Variants in RELN observed in about 807,000 individuals in gnomAD.
RELN encodes reelin.
A neutral mutation model predicts 427.6 loss-of-function variants in RELN; 108 were observed. The observed-to-expected ratio is 0.25, with a 90% CI of 0.22 to 0.30. The LOEUF (loss-of-function observed/expected upper bound fraction) is 0.30, where lower values mean the gene tolerates loss of function less well. Ranked by LOEUF, RELN falls within the 10% of genes least tolerant of loss-of-function variation. The probability of loss-of-function intolerance (pLI) is 1.00; values close to 1 mark genes in which losing one functional copy is unlikely to be tolerated. For missense variants in RELN, 3,715 were observed against 4,302.8 expected (o/e 0.86, Z 3.82); for synonymous variants, 1,524 against 1,513.4 (o/e 1.01, Z -0.16).
intron 46 of RELN, among the ~76,000 whole-genome samples, chr7:103,531,275 A>G (rs577816761): frequency 1.3e-5 from 2 of 152,222 alleles, no homozygotes; most frequent in African/African-American, 2.4e-5. Flanking sequence ...GTGAAAAGGC[A>G]GAGCCCTCCA....
intron 5 of RELN, among the ~76,000 whole-genome samples, chr7:103,749,743 C>A (rs752494807): frequency 6.6e-6 from 1 of 152,172 alleles, no homozygotes; most frequent in Non-Finnish European, 1.5e-5. Flanking sequence ...ATCTATGAAG[C>A]TATCACTAGG....
At chr7:103,869,785 GT>G in intron 2 of RELN, among the ~76,000 whole-genome samples, 1 of 152,080 alleles carries the variant, frequency 6.6e-6, no homozygotes, top group Admixed American at 6.6e-5. Context: ...GCAAATTAAT[GT>G]TTTTCAACAA....
In RELN at chr7:103,620,457, A is replaced by G. The variant is rs1231104499; in HGVS notation, c.2703-8654T>C. 2.0e-5 allele frequency among the ~76,000 whole-genome samples: 3 copies of G among 146,764 alleles called. No individual in the cohort carries two copies. The highest frequency in any genetic ancestry group is 4.5e-5 in the Non-Finnish European group (3 of 67,392). ...TCTCCAGATTCGATTTTGGTTGAAG[A>G]TAACTCACCCGATCCACATTTTTTT... On this transcript the variant is annotated intron_variant, in intron 20 of 64. Transcript: ENST00000428762. This position sits in a 1 kb window ranked among gnomAD's most constrained non-coding sequence, Gnocchi z 4.1.
Position 103,619,876 on chromosome 7 carries a change from TTG to T in RELN, c.2703-8075_2703-8074del, listed in dbSNP as rs372160818. Among the ~76,000 whole-genome samples the T allele has an allele frequency of 9.3e-5, 14 of 150,652 alleles. No homozygotes were observed. The East Asian group carries it at 1.2e-3, about 13-fold the overall frequency. Reference sequence around the variant, plus strand: ...AGTAAGAGTGTGTGTATATGTGTGTTTGTGTGTGTGTGTGTGTGTTTGTAGAT... The same window carrying T: ...AGTAAGAGTGTGTGTATATGTGTGTTTGTGTGTGTGTGTGTGTTTGTAGAT... On this transcript the variant is annotated intron_variant, in intron 20 of 64. Transcript: ENST00000428762.
chr7:103,915,636 C>A (rs762801124), intron 2 of RELN, among the ~76,000 whole-genome samples: 19 of 151,916 alleles, frequency 1.3e-4, no homozygotes, highest in Non-Finnish European at 1.8e-4. Flanking sequence ...ACCTAGACAG[C>A]TTTAAAAAAT....
intron 3 of RELN, among the ~76,000 whole-genome samples, chr7:103,810,666 A>C (rs115578169): frequency 0.015 from 2,323 of 152,270 alleles, 40 homozygotes; most frequent in African/African-American, 0.04. Flanking sequence ...TGCAGGAAAA[A>C]AAAAACAAAA....
intron 2 of RELN, among the ~76,000 whole-genome samples, chr7:103,883,162 A>G (rs527959526): frequency 2.4e-4 from 36 of 152,372 alleles, no homozygotes; most frequent in African/African-American, 8.2e-4. Flanking sequence ...AATCCATCAC[A>G]TAAACAGAAC....
rs567693688 is a variant in RELN at position 103,556,774 on chromosome 7, C to T, written c.5797+203G>A. 2.4e-4 allele frequency among the ~76,000 whole-genome samples: 37 copies of T among 152,302 alleles called. No homozygotes were observed. The South Asian group carries it at 7.7e-3, about 32-fold the overall frequency. Reference sequence around the variant, plus strand: ...TGTGCAAGTGTAAGTCCGATTAAACCTCTTTTTCTTCCCAGTCTGGGTTTG... The same window carrying T: ...TGTGCAAGTGTAAGTCCGATTAAACTTCTTTTTCTTCCCAGTCTGGGTTTG... On this transcript the variant is annotated intron_variant, in intron 38 of 64. Transcript: ENST00000428762.
At chr7:103,915,971 T>C (rs1025208576) in intron 2 of RELN, among the ~76,000 whole-genome samples, 7 of 152,122 alleles carry the variant, frequency 4.6e-5, no homozygotes, top group Non-Finnish European at 7.4e-5. Context: ...TCCCCTGAGG[T>C]TTGGACCTTA....
intron 1 of RELN, among the ~76,000 whole-genome samples, chr7:103,926,892 C>G (rs1563095455): frequency 1.4e-4 from 21 of 151,714 alleles, no homozygotes; most frequent in African/African-American, 4.4e-4. Context: ...GTGATCCACC[C>G]CCTTGGCCTC....
At chr7:103,762,693 A>C in intron 4 of RELN, among the ~76,000 whole-genome samples, 1 of 152,318 alleles carries the variant, frequency 6.6e-6, no homozygotes, top group African/African-American at 2.4e-5. Flanking sequence ...AGAAAATTCT[A>C]ATCATCTCCT....
At chr7:103,894,289 C>G (rs552528563) in intron 2 of RELN, among the ~76,000 whole-genome samples, 1 of 152,118 alleles carries the variant, frequency 6.6e-6, no homozygotes, top group East Asian at 1.9e-4. Context: ...ATACTCTTCA[C>G]TGCATTAAAG....
At chr7:103,816,491 G>C (rs1365475519) in intron 3 of RELN, among the ~76,000 whole-genome samples, 2 of 149,916 alleles carry the variant, frequency 1.3e-5, no homozygotes, top group East Asian at 3.9e-4. Context: ...AGAAAACAAT[G>C]AGATTTATAG....
At chr7:103,519,179 C>G in intron 49 of RELN, 144 bp downstream of exon 49, 1 of 675,878 alleles carries the variant, frequency 1.5e-6, no homozygotes, top group South Asian at 1.7e-5. Context: ...ATTTATCCAG[C>G]TCAGAAACCC....
chr7:103,939,016 G>A (rs1454051745), intron 1 of RELN, among the ~76,000 whole-genome samples: 7 of 151,006 alleles, frequency 4.6e-5, no homozygotes, highest in Admixed American at 1.3e-4. Context: ...GCGTAGTCTC[G>A]GCTCAATGCA....
intron 2 of RELN, among the ~76,000 whole-genome samples, chr7:103,871,139 T>G (rs1314497432): frequency 6.6e-6 from 1 of 152,108 alleles, no homozygotes; most frequent in Non-Finnish European, 1.5e-5. Flanking sequence ...CAGGTACCAG[T>G]TGGCTAAAAA....
In RELN at chr7:103,796,898, AGAAAG is replaced by A. The variant is rs1485537591; in HGVS notation, c.474-20276_474-20272del. 1.4e-3 allele frequency among the ~76,000 whole-genome samples: 193 copies of A among 139,718 alleles called. 1 individual carries two copies. The highest frequency in any genetic ancestry group is 5.0e-3 in the African/African-American group (169 of 33,620). 91.7% of individuals were successfully genotyped at this position (139,718 alleles called of 152,430 possible). A position where few individuals can be genotyped will look rare whatever the true frequency, so the allele number is the denominator to read the frequency against. On this transcript the variant is annotated intron_variant, in intron 3 of 64. Coordinates refer to ENST00000428762, the MANE Select transcript of RELN (RefSeq NM_005045.4). ...CACAAAAAAAAAAAAAAAAAAAGAA[AGAAAG>A]AAAAAGAAAAAGAAAAAGAAAGTAA...
intron 1 of RELN, among the ~76,000 whole-genome samples, chr7:103,938,566 T>A (rs567592976): frequency 1.3e-5 from 2 of 152,216 alleles, no homozygotes; most frequent in Non-Finnish European, 2.9e-5. Context: ...ATGGGAAATA[T>A]TATAAATAGG....
intron 55 of RELN, 128 bp downstream of exon 55, chr7:103,497,692 A>T (rs1439681465): frequency 2.6e-6 from 2 of 777,718 alleles, no homozygotes; most frequent in South Asian, 2.9e-5. Context: ...CAAAATCTGT[A>T]GCTTTTTCTT....
Sources: gnomAD v4.1 joint callset for allele counts (sites outside exome capture counted in the v4.1 genomes callset) on GRCh38, gnomAD v4.1.1 for gene constraint, Gnocchi (gnomAD v3.1) non-coding constraint, MANE v1.5 for transcripts, NCBI Gene and HGNC (gene_info 2026-07-23, HGNC 2026-07-21) for gene names.